The following MBD5 variants were observed in gnomAD, a reference collection of about 807,000 sequenced individuals.
The protein encoded by MBD5 is methyl-CpG-binding domain protein 5.
In MBD5, 13 loss-of-function variants were observed where a neutral mutation model predicts 117.3. The observed-to-expected ratio is 0.11, with a 90% CI of 0.07 to 0.18. The LOEUF is 0.18. MBD5 is among the 10% of genes least tolerant of loss of function. MBD5 has a pLI of 1.00. For synonymous variants in MBD5, 727 were observed against 766.4 expected, an observed-to-expected ratio of 0.95 and a Z score of 0.85; for missense variants, 1,879 against 2,093.8, an observed-to-expected ratio of 0.90 and a Z score of 2.00.
chr2:148,126,849 G>A (rs115089604), intron 1 of MBD5, among the ~76,000 whole-genome samples: 3,262 of 152,076 alleles, frequency 0.021, 125 homozygotes, highest in African/African-American at 0.074. Context: ...GAGAGAATAT[G>A]ATTCATAGTA....
At chr2:148,103,869 G>A (rs1281403327) in intron 1 of MBD5, among the ~76,000 whole-genome samples, 1 of 151,928 alleles carries the variant, frequency 6.6e-6, no homozygotes, top group Non-Finnish European at 1.5e-5. Context: ...CTTGTTTTGG[G>A]CATTATTCAG....
At chr2:148,278,886 T>C (rs999542683) in intron 3 of MBD5, among the ~76,000 whole-genome samples, 1 of 152,198 alleles carries the variant, frequency 6.6e-6, no homozygotes, top group Admixed American at 6.5e-5. Context: ...CTGGTGTCAG[T>C]CCTGGAGTTC....
At chr2:148,327,459 C>T (rs1304423485) in intron 3 of MBD5, among the ~76,000 whole-genome samples, 1 of 152,272 alleles carries the variant, frequency 6.6e-6, no homozygotes, top group Non-Finnish European at 1.5e-5. Context: ...TTCCATTCTC[C>T]CCATCACTTT....
At chr2:148,211,534 G>A (rs1699422094) in intron 2 of MBD5, among the ~76,000 whole-genome samples, 2 of 151,922 alleles carry the variant, frequency 1.3e-5, no homozygotes, top group South Asian at 4.1e-4. Context: ...ATTTTCCTGT[G>A]TTTATTTATT....
chr2:148,141,453 G>A (rs1057232270), intron 1 of MBD5, among the ~76,000 whole-genome samples: 2 of 152,046 alleles, frequency 1.3e-5, no homozygotes, highest in African/African-American at 4.8e-5. Context: ...CATTCCAACA[G>A]TAGTCTAATA....
chr2:148,339,515 A>T (rs1295647305), intron 3 of MBD5, among the ~76,000 whole-genome samples: 1 of 152,098 alleles, frequency 6.6e-6, no homozygotes, highest in Non-Finnish European at 1.5e-5. Context: ...GATGAATCTC[A>T]ATGAACTCAT....
chr2:148,294,196 GTTTTTTTTTTTTTTTTTTTTTTT>G (rs60942822), intron 3 of MBD5, among the ~76,000 whole-genome samples: 1 of 127,148 alleles, frequency 7.9e-6, no homozygotes, highest in African/African-American at 3.0e-5. Flanking sequence ...CCAGAATGAA[GTTTTTTTTTTTTTTTTTTTTTTT>G]TTTTTTTTTT....
intron 3 of MBD5, among the ~76,000 whole-genome samples, chr2:148,308,491 CTTTTTTTTTTTT>C (rs60650324): frequency 1.6e-4 from 11 of 66,806 alleles, no homozygotes; most frequent in Admixed American, 3.5e-4. Flanking sequence ...GGGGTTCTTT[CTTTTTTTTTTTT>C]TTTTTTTTTT....
intron 3 of MBD5, among the ~76,000 whole-genome samples, chr2:148,320,834 G>A (rs1459801428): frequency 1.3e-5 from 2 of 152,028 alleles, no homozygotes; most frequent in East Asian, 1.9e-4. Flanking sequence ...TATTTCTGTG[G>A]TATCAGTTGT....
intron 4 of MBD5, among the ~76,000 whole-genome samples, chr2:148,359,382 A>T (rs1703470949): frequency 6.6e-6 from 1 of 152,022 alleles, no homozygotes; most frequent in Non-Finnish European, 1.5e-5. Flanking sequence ...TATCATGTTC[A>T]TTTTTGCTCT....
intron 7 of MBD5, among the ~76,000 whole-genome samples, chr2:148,466,613 A>G (rs1707267968): frequency 6.6e-6 from 1 of 152,198 alleles, no homozygotes; most frequent in Admixed American, 6.6e-5. Flanking sequence ...TGCCCAAAAT[A>G]TTAACGTTTT....
chr2:148,391,660 T>C (rs537419914), intron 4 of MBD5, among the ~76,000 whole-genome samples: 28 of 152,144 alleles, frequency 1.8e-4, no homozygotes, highest in Non-Finnish European at 3.2e-4. Flanking sequence ...AGAAAGCATA[T>C]AAATAAAAAT....
chr2:148,424,461 A>C (rs561927413), intron 4 of MBD5, among the ~76,000 whole-genome samples: 18 of 152,110 alleles, frequency 1.2e-4, no homozygotes, highest in African/African-American at 4.3e-4. Context: ...CACTGTCAGC[A>C]CTAGACAGAC....
intron 2 of MBD5, among the ~76,000 whole-genome samples, chr2:148,205,897 T>C (rs950312544): frequency 2.0e-5 from 3 of 151,936 alleles, no homozygotes; most frequent in Non-Finnish European, 4.4e-5. Context: ...TCCCAGCGAC[T>C]TGGGAGGCTG....
At chr2:148,158,857 C>A (rs1281562625) in intron 1 of MBD5, among the ~76,000 whole-genome samples, 1 of 152,206 alleles carries the variant, frequency 6.6e-6, no homozygotes, top group Non-Finnish European at 1.5e-5. Context: ...GTACCTGGCG[C>A]TACAGGCGCC....
chr2:148,484,939 A>G (rs1681288904), intron 9 of MBD5, among the ~76,000 whole-genome samples: 1 of 152,196 alleles, frequency 6.6e-6, no homozygotes, highest in Non-Finnish European at 1.5e-5. Context: ...TTTTGATTTT[A>G]TGAATGCCTT....
chr2:148,469,508 C>A lies in MBD5; in HGVS notation c.1565C>A (p.Pro522His). The change falls in exon 8 of 14, where the codon CCT (proline) becomes CAT (histidine). Residue 522 changes from proline (P) to histidine (H), a missense_variant. This residue lies in a region of MBD5 where 1,666 missense variants were observed against 1,792.2 expected (regional missense o/e 0.93). Coordinates refer to ENST00000642680, the MANE Select transcript of MBD5 (RefSeq NM_001378120.1). ...SDGHHQYKDI[P>H]NPLIAGISNV... ...GGACATCATCAGTACAAGGATATCC[C>A]TAACCCATTAATTGCTGGAATAAGT... 1 of 1,613,822 alleles carries A rather than the reference C, an allele frequency of 6.2e-7. No homozygotes were observed. Among genetic ancestry groups the A allele is most frequent in the Non-Finnish European group, 8.5e-7 (1 of 1,179,918 alleles).
At chr2:148,299,594 C>T (rs1488041575) in intron 3 of MBD5, among the ~76,000 whole-genome samples, 1 of 152,166 alleles carries the variant, frequency 6.6e-6, no homozygotes, top group Non-Finnish European at 1.5e-5. Flanking sequence ...ATTGCTTAAG[C>T]CTTCAGGTGC....
chr2:148,252,068 G>C (rs1420854757), intron 3 of MBD5, among the ~76,000 whole-genome samples: 1 of 152,148 alleles, frequency 6.6e-6, no homozygotes, highest in African/African-American at 2.4e-5. Context: ...TGGAGAGAGA[G>C]AGCTATCAAG....
Sources: allele counts gnomAD v4.1 joint callset (sites outside exome capture counted in the v4.1 genomes callset), GRCh38; gene constraint gnomAD v4.1.1; regional missense constraint gnomAD v4.1.1; transcripts MANE v1.5; gene names NCBI Gene and HGNC (gene_info 2026-07-23, HGNC 2026-07-21).